AFF2: variants seen among roughly 807,000 people sequenced by gnomAD.
The protein encoded by AFF2 is ALF transcription elongation factor 2, also known as AF4/FMR2 family member 2.
In AFF2, 14 loss-of-function variants were observed where a neutral mutation model predicts 76.9. The observed-to-expected ratio is 0.18, with a 90% CI of 0.12 to 0.28. The LOEUF (loss-of-function observed/expected upper bound fraction) is 0.28. AFF2 is among the 10% of genes least tolerant of loss of function. The pLI, the probability that AFF2 is intolerant of heterozygous loss-of-function variation, is 1.00. For synonymous variants in AFF2, 398 were observed against 366.7 expected (o/e 1.09, Z -0.98); for missense variants, 868 against 1,001.1 (o/e 0.87, Z 1.79).
At chrX:148,738,839 A>G (rs1315629757) in intron 3 of AFF2, among the ~76,000 whole-genome samples, 1 of 111,790 alleles carries the variant, frequency 8.9e-6, no homozygotes, top group African/African-American at 3.3e-5. Context: ...TTCAGTTCAA[A>G]GAATTTGTTA....
intron 3 of AFF2, among the ~76,000 whole-genome samples, chrX:148,801,235 G>A (rs2070054420): frequency 8.9e-6 from 1 of 111,991 alleles, no homozygotes; most frequent in South Asian, 3.8e-4. Context: ...GAAGCTAACA[G>A]TGAGGAGCAG....
intron 3 of AFF2, among the ~76,000 whole-genome samples, chrX:148,680,540 TA>T (rs201617526): frequency 4.6e-5 from 5 of 108,093 alleles, no homozygotes; most frequent in East Asian, 5.8e-4. Context: ...GTCACTAAAT[TA>T]AAAAAAAAAT....
chrX:148,556,914 C>T (rs2053058838), intron 1 of AFF2, among the ~76,000 whole-genome samples: 1 of 111,894 alleles, frequency 8.9e-6, no homozygotes, highest in Admixed American at 9.5e-5. Context: ...TTTTTAATAT[C>T]ATTTATTATA....
intron 1 of AFF2, among the ~76,000 whole-genome samples, chrX:148,542,118 G>T (rs1328214274): frequency 1.8e-5 from 2 of 109,640 alleles, no homozygotes; most frequent in Non-Finnish European, 3.8e-5. Flanking sequence ...TATTTATTTA[G>T]CTAATCAGGG....
chrX:148,858,892 A>G (rs1379660589), intron 7 of AFF2, among the ~76,000 whole-genome samples: 2 of 109,420 alleles, frequency 1.8e-5, no homozygotes, highest in Admixed American at 1.0e-4. Context: ...TCTTTTTGGC[A>G]TGAGACAAAT....
chrX:148,817,277 CA>C (rs1339823120), intron 4 of AFF2, among the ~76,000 whole-genome samples: 2 of 111,447 alleles, frequency 1.8e-5, no homozygotes, highest in African/African-American at 6.5e-5. Flanking sequence ...ATACATAAAA[CA>C]AGAACTAATA....
Position 148,622,980 on chromosome X carries a change from G to A in AFF2, c.48-29019G>A, listed in dbSNP as rs1192847440. Among the ~76,000 whole-genome samples, 7 of 112,039 alleles carry A rather than the reference G, an allele frequency of 6.2e-5. No individual in the cohort carries two copies. In the South Asian group the frequency reaches 2.2e-3, roughly 35 times the overall value. On this transcript the variant is annotated intron_variant, in intron 1 of 20. Transcript: ENST00000370460. ...TTATGTGTTTGCATCCTGGCAAGGA[G>A]GCTGATGAAGATGAAGCAGGGGCTT...
At chrX:148,934,832 C>A (rs2071753945) in intron 9 of AFF2, among the ~76,000 whole-genome samples, 1 of 111,646 alleles carries the variant, frequency 9.0e-6, no homozygotes, top group Non-Finnish European at 1.9e-5. Flanking sequence ...TCATCATCAT[C>A]ATTGTTATTA....
At chrX:148,551,482 G>GAAAAAAAAAAAA (rs781883999) in intron 1 of AFF2, among the ~76,000 whole-genome samples, 3 of 38,012 alleles carry the variant, frequency 7.9e-5, no homozygotes, top group African/African-American at 9.5e-5. Flanking sequence ...GCTGGGAAGT[G>GAAAAAAAAAAAA]AAAAAAAAAA....
At chrX:148,679,497 CT>C (rs1245935685) in intron 3 of AFF2, among the ~76,000 whole-genome samples, 15 of 111,356 alleles carry the variant, frequency 1.3e-4, no homozygotes, top group African/African-American at 4.9e-4. Flanking sequence ...TTAGTGTTAA[CT>C]TTCTTGGCAG....
chrX:148,760,856 T>C (rs2069431017), intron 3 of AFF2, among the ~76,000 whole-genome samples: 1 of 111,906 alleles, frequency 8.9e-6, no homozygotes, highest in South Asian at 3.7e-4. Flanking sequence ...CTAGGTAAGA[T>C]TTTAACATAT....
chrX:148,924,570 GTTGAGCCTCTAC>G (rs1324101292), intron 9 of AFF2, among the ~76,000 whole-genome samples: 1 of 111,992 alleles, frequency 8.9e-6, no homozygotes, highest in African/African-American at 3.2e-5. Flanking sequence ...ATGGAAATGT[GTTGAGCCTCTAC>G]TCTGCTAGAC....
chrX:148,740,294 G>C (rs1557265504), intron 3 of AFF2, among the ~76,000 whole-genome samples: 1 of 111,785 alleles, frequency 8.9e-6, no homozygotes, highest in Non-Finnish European at 1.9e-5. Context: ...ATTATTCTTA[G>C]GTTCAGTCAT....
At chrX:148,580,071 C>T (rs782399804) in intron 1 of AFF2, among the ~76,000 whole-genome samples, 3 of 111,987 alleles carry the variant, frequency 2.7e-5, no homozygotes, top group Non-Finnish European at 5.6e-5. Context: ...GGTAAGAGCT[C>T]AGAGACTGCA....
intron 15 of AFF2, among the ~76,000 whole-genome samples, chrX:148,973,250 T>C (rs781902736): frequency 1.6e-3 from 178 of 111,681 alleles, no homozygotes; most frequent in African/African-American, 5.4e-3. Flanking sequence ...TCATTCTCTA[T>C]TGTGGGAGCT....
chrX:148,967,272 AT>A (rs1269849148), intron 14 of AFF2, among the ~76,000 whole-genome samples, 193 bp downstream of exon 14: 1 of 110,935 alleles, frequency 9.0e-6, no homozygotes, highest in Admixed American at 9.6e-5. Flanking sequence ...TTTTTGGCCC[AT>A]TTTAATTAAG....
intron 3 of AFF2, among the ~76,000 whole-genome samples, chrX:148,690,121 C>T (rs1158132255): frequency 8.9e-6 from 1 of 111,984 alleles, no homozygotes; most frequent in African/African-American, 3.3e-5. Flanking sequence ...TGTCAGCAGA[C>T]CCAGACTTTT....
Position 148,899,773 on chromosome X carries a change from TG to T in AFF2, c.1360-4447del, listed in dbSNP as rs200500219. 9.0e-3 allele frequency among the ~76,000 whole-genome samples: 1,002 copies of T among 111,372 alleles called. 9 individuals carry two copies. The highest frequency in any genetic ancestry group is 0.03 in the African/African-American group (934 of 30,687). ...ATTGATTATGGAAGAAATGAATACC[TG>T]AGTCCACTGCCACAATATCTCTAGG... is the stretch of plus-strand genomic sequence containing the variant. On this transcript the variant is annotated intron_variant, in intron 8 of 20. Transcript: ENST00000370460.
rs371910915 is a variant in AFF2 at position 148,783,597 on chromosome X, T to C, written c.1042-26279T>C. Among the ~76,000 whole-genome samples, 19 of 111,909 alleles carry C rather than the reference T, an allele frequency of 1.7e-4. No individual in the cohort carries two copies. The South Asian group carries it at 6.8e-3, about 40-fold the overall frequency. On this transcript the variant is annotated intron_variant, in intron 3 of 20. Coordinates refer to ENST00000370460, the MANE Select transcript of AFF2 (RefSeq NM_002025.4). ...CTCTGTCAGTTCCAAACATCTCCTA[T>C]AGACAACTAAATGGTTGCTGTAACA...
Sources: gnomAD v4.1 joint callset for allele counts (sites outside exome capture counted in the v4.1 genomes callset) on GRCh38, gnomAD v4.1.1 for gene constraint, MANE v1.5 for transcripts, NCBI Gene and HGNC (gene_info 2026-07-23, HGNC 2026-07-21) for gene names.